The following LAPTM4B variants were observed in gnomAD, a reference collection of about 807,000 sequenced individuals.
The protein encoded by LAPTM4B is lysosomal-associated transmembrane protein 4B.
A neutral mutation model predicts 28.5 loss-of-function variants in LAPTM4B; 26 were observed. The ratio of observed to expected loss-of-function variants is 0.91; its 90% confidence interval spans 0.67 to 1.27. The LOEUF is 1.27. Ranked by LOEUF, LAPTM4B falls within the 50% of genes most tolerant of loss-of-function variation. The pLI is 0.00. For missense variants in LAPTM4B, 288 were observed against 285.8 expected (o/e 1.01, Z -0.06); for synonymous variants, 109 against 106.4 (o/e 1.02, Z -0.15).
At chr8:97,818,167 C>T (rs1174585517) in intron 4 of LAPTM4B, among the ~76,000 whole-genome samples, 3 of 152,248 alleles carry the variant, frequency 2.0e-5, no homozygotes, top group South Asian at 2.1e-4. Flanking sequence ...CAAAGAATGA[C>T]GATTTTATTT....
chr8:97,810,862 A>G (rs548587545), intron 2 of LAPTM4B, among the ~76,000 whole-genome samples: 1 of 152,368 alleles, frequency 6.6e-6, no homozygotes, highest in East Asian at 1.9e-4. Flanking sequence ...TCAAGAAATG[A>G]TGGCTACTTA....
Position 97,775,790 on chromosome 8 carries a change from C to G in LAPTM4B, c.-220C>G. ...CAAGTCCGCCCCGCCCCCTCCCCGTCCCCGCCGCTGCAGCGGTCGCCTTCG... is the reference window on the plus strand; with the variant it reads ...CAAGTCCGCCCCGCCCCCTCCCCGTGCCCGCCGCTGCAGCGGTCGCCTTCG... On this transcript the variant is annotated 5_prime_UTR_variant, in exon 1 of 7. Coordinates refer to ENST00000521545, the MANE Select transcript of LAPTM4B (RefSeq NM_018407.6). 1 of 1,559,188 alleles carries G rather than the reference C, an allele frequency of 6.4e-7. No individual in the cohort carries two copies.
intron 2 of LAPTM4B, among the ~76,000 whole-genome samples, chr8:97,812,854 G>A (rs958743272): frequency 4.6e-5 from 7 of 152,158 alleles, no homozygotes; most frequent in African/African-American, 1.7e-4. Context: ...ATCACTGCCT[G>A]TGGCAGAGAA....
chr8:97,837,346 C>T (rs1022969550), intron 6 of LAPTM4B, among the ~76,000 whole-genome samples: 1 of 152,076 alleles, frequency 6.6e-6, no homozygotes, highest in African/African-American at 2.4e-5. Context: ...GCACATGCCA[C>T]TATGCCTGGC....
intron 5 of LAPTM4B, among the ~76,000 whole-genome samples, chr8:97,823,623 C>T (rs1035438018): frequency 4.0e-5 from 6 of 151,650 alleles, no homozygotes; most frequent in Non-Finnish European, 7.4e-5. Context: ...GATCCACCCA[C>T]CTCGGCCTCC....
chr8:97,787,054 C>A (rs1439670211), intron 1 of LAPTM4B, among the ~76,000 whole-genome samples: 2 of 151,940 alleles, frequency 1.3e-5, no homozygotes, highest in African/African-American at 4.8e-5. Flanking sequence ...GATTCCTTCT[C>A]TGGGTTCTAA....
intron 6 of LAPTM4B, among the ~76,000 whole-genome samples, chr8:97,839,721 AC>A (rs1817316646): frequency 6.6e-6 from 1 of 152,184 alleles, no homozygotes; most frequent in East Asian, 1.9e-4. Context: ...CTCCAAACAA[AC>A]CTAGTTTTCG....
At chr8:97,831,931 G>A (rs534361130) in intron 6 of LAPTM4B, among the ~76,000 whole-genome samples, 5 of 152,282 alleles carry the variant, frequency 3.3e-5, no homozygotes, top group Admixed American at 2.6e-4. Flanking sequence ...GCTGGTGCCT[G>A]CTGCTTGTTG....
In LAPTM4B at chr8:97,775,854, C is replaced by CG. The variant is rs778770535; in HGVS notation, c.-152dup. On this transcript the variant is annotated 5_prime_UTR_variant, in exon 1 of 7. Coordinates refer to ENST00000521545, the MANE Select transcript of LAPTM4B (RefSeq NM_018407.6). ...CGACCCGGCAGAAGCTCGGAGCTCT[C>CG]GGGGTATCGAGGAGGCAGGCCCGCG... is the stretch of plus-strand genomic sequence containing the variant. 1.2e-5 allele frequency: 18 copies of CG among 1,515,178 alleles called. No individual in the cohort carries two copies. The Admixed American group carries it at 2.6e-4, about 22-fold the overall frequency. The allele number at this position is 1,515,178 out of a possible 1,614,324, so 93.9% of individuals were successfully genotyped here.
chr8:97,778,369 A>G (rs538906161), intron 1 of LAPTM4B, among the ~76,000 whole-genome samples: 14 of 150,506 alleles, frequency 9.3e-5, no homozygotes, highest in Non-Finnish European at 1.8e-4. Context: ...ATTTTGTGAT[A>G]CCCTACCTTG....
chr8:97,781,014 G>A (rs980299670), intron 1 of LAPTM4B, among the ~76,000 whole-genome samples: 2 of 149,194 alleles, frequency 1.3e-5, no homozygotes, highest in East Asian at 2.0e-4. Flanking sequence ...TTTTGAGACC[G>A]AGTCTCGCTC....
intron 5 of LAPTM4B, among the ~76,000 whole-genome samples, chr8:97,824,373 T>G (rs999856809): frequency 6.6e-5 from 10 of 152,314 alleles, no homozygotes; most frequent in Non-Finnish European, 1.5e-4. Context: ...CAAAGAATTT[T>G]AATGTTAAGG....
chr8:97,828,327 G>T (rs1319460104), intron 6 of LAPTM4B, among the ~76,000 whole-genome samples: 1 of 152,126 alleles, frequency 6.6e-6, no homozygotes, highest in Non-Finnish European at 1.5e-5. Context: ...GGGGCAGGGG[G>T]TGACATTGTC....
At chr8:97,818,991 G>C (rs1019046062) in intron 4 of LAPTM4B, 149 bp from the exon 5 acceptor site, 1 of 585,976 alleles carries the variant, frequency 1.7e-6, no homozygotes, top group African/African-American at 1.9e-5. Flanking sequence ...TAAGAGGGCA[G>C]AGTCAGGCTA....
chr8:97,802,345 TGA>T (rs1475719917), intron 1 of LAPTM4B, among the ~76,000 whole-genome samples: 1 of 152,134 alleles, frequency 6.6e-6, no homozygotes, highest in Non-Finnish European at 1.5e-5. Flanking sequence ...TTCCCGGAAA[TGA>T]GAGTTCCTCC....
At chr8:97,832,428 GTC>G (rs1339962740) in intron 6 of LAPTM4B, among the ~76,000 whole-genome samples, 2 of 152,118 alleles carry the variant, frequency 1.3e-5, no homozygotes, top group Non-Finnish European at 2.9e-5. Context: ...CGGTTGGTCA[GTC>G]TCTGTCATTT....
At chr8:97,790,379 C>T (rs184743669) in intron 1 of LAPTM4B, among the ~76,000 whole-genome samples, 258 of 151,140 alleles carry the variant, frequency 1.7e-3, no homozygotes, top group African/African-American at 5.8e-3. Flanking sequence ...TGGCGTGATC[C>T]TGGCTCACTG....
At chr8:97,833,306 T>G (rs1203532363) in intron 6 of LAPTM4B, among the ~76,000 whole-genome samples, 1 of 152,128 alleles carries the variant, frequency 6.6e-6, no homozygotes, top group Non-Finnish European at 1.5e-5. Context: ...TGAGCTGAGA[T>G]TGCGCCATTG....
In LAPTM4B at chr8:97,845,974, C is replaced by G. The variant is rs58014178; in HGVS notation, c.604-5423C>G. Among the ~76,000 whole-genome samples, 996 of 142,214 alleles carry G rather than the reference C, an allele frequency of 7.0e-3. 15 individuals are homozygous for G. Among genetic ancestry groups the G allele is most frequent in the African/African-American group, 0.024 (925 of 38,396 alleles). 93.3% of individuals were successfully genotyped at this position (142,214 alleles called of 152,430 possible). A position where few individuals can be genotyped will look rare whatever the true frequency, so the allele number is the denominator to read the frequency against. On this transcript the variant is annotated intron_variant, in intron 6 of 6. Transcript: ENST00000521545. ...GTGGTACGATCGTGTTTCACTGCAG[C>G]CTCAACTCCTTGGGCTCAGTCTTCC... is the stretch of plus-strand genomic sequence containing the variant.
Sources: allele counts gnomAD v4.1 joint callset (sites outside exome capture counted in the v4.1 genomes callset), GRCh38; gene constraint gnomAD v4.1.1; transcripts MANE v1.5; gene names NCBI Gene and HGNC (gene_info 2026-07-23, HGNC 2026-07-21).